The following ATP2B2 variants were observed in gnomAD, a reference collection of about 807,000 sequenced individuals.
ATP2B2 encodes the protein plasma membrane calcium-transporting ATPase 2.
In ATP2B2, 15 loss-of-function variants were observed where a neutral mutation model predicts 120.0. The ratio of observed to expected loss-of-function variants is 0.12; its 90% CI spans 0.08 to 0.19. The LOEUF is 0.19. Ranked by LOEUF, ATP2B2 falls within the 10% of genes least tolerant of loss-of-function variation. The probability of loss-of-function intolerance (pLI) is 1.00; values close to 1 mark genes in which losing one functional copy is unlikely to be tolerated. For synonymous variants in ATP2B2, 694 were observed against 700.3 expected (o/e 0.99, Z 0.14); for missense variants, 1,045 against 1,719.8 (o/e 0.61, Z 6.94).
intron 1 of ATP2B2, among the ~76,000 whole-genome samples, chr3:10,697,221 C>G (rs907412315): frequency 6.6e-6 from 1 of 152,140 alleles, no homozygotes; most frequent in African/African-American, 2.4e-5. Flanking sequence ...AGTTTCCAGG[C>G]TTCCCTTTCA....
intron 8 of ATP2B2, among the ~76,000 whole-genome samples, chr3:10,381,388 T>C (rs1193903290): frequency 6.6e-6 from 1 of 152,158 alleles, no homozygotes; most frequent in African/African-American, 2.4e-5. Context: ...ACTTCAATAG[T>C]TGGTTTTAGA....
chr3:10,696,764 T>A (rs191346693), intron 1 of ATP2B2, among the ~76,000 whole-genome samples: 133 of 152,282 alleles, frequency 8.7e-4, no homozygotes, highest in Non-Finnish European at 1.4e-3. Context: ...CTTTACTTTT[T>A]GGGTGAAGAA....
At chr3:10,500,334 T>C (rs1181080582) in intron 1 of ATP2B2, among the ~76,000 whole-genome samples, 1 of 152,080 alleles carries the variant, frequency 6.6e-6, no homozygotes, top group Non-Finnish European at 1.5e-5. Flanking sequence ...GCAGGTCTTA[T>C]GAGCAATAAA....
At chr3:10,649,671 G>C (rs1312018571) in intron 1 of ATP2B2, among the ~76,000 whole-genome samples, 1 of 152,170 alleles carries the variant, frequency 6.6e-6, no homozygotes, top group Non-Finnish European at 1.5e-5. Flanking sequence ...TGGTGATATG[G>C]TTTGGCTGTG....
At chr3:10,469,939 AG>A (rs2064911976) in intron 1 of ATP2B2, among the ~76,000 whole-genome samples, 1 of 152,034 alleles carries the variant, frequency 6.6e-6, no homozygotes, top group East Asian at 1.9e-4. Context: ...ACTCACACCA[AG>A]CTCAGATTTC....
At chr3:10,554,440 G>A (rs111954001) in intron 2 of ATP2B2, among the ~76,000 whole-genome samples, 2 of 152,240 alleles carry the variant, frequency 1.3e-5, no homozygotes, top group Non-Finnish European at 2.9e-5. Flanking sequence ...GATCACCCTG[G>A]ATGATCTGGG....
intron 2 of ATP2B2, among the ~76,000 whole-genome samples, chr3:10,616,504 A>C (rs2069390948): frequency 6.6e-6 from 1 of 152,248 alleles, no homozygotes; most frequent in African/African-American, 2.4e-5. Context: ...CCCTAACATG[A>C]ATACATGAAT....
At chr3:10,611,935 T>C (rs1185533835) in intron 2 of ATP2B2, among the ~76,000 whole-genome samples, 2 of 152,190 alleles carry the variant, frequency 1.3e-5, no homozygotes, top group Admixed American at 6.5e-5. Context: ...GAAATAGCTA[T>C]GGTTGTTACG....
chr3:10,653,696 C>G (rs892141186), intron 1 of ATP2B2, among the ~76,000 whole-genome samples: 10 of 152,204 alleles, frequency 6.6e-5, no homozygotes, highest in Non-Finnish European at 8.8e-5. Flanking sequence ...CTAATCTTCA[C>G]TCTATCTCCA....
chr3:10,486,782 T>C (rs893528212), intron 1 of ATP2B2, among the ~76,000 whole-genome samples: 2 of 152,112 alleles, frequency 1.3e-5, no homozygotes, highest in African/African-American at 2.4e-5. Flanking sequence ...TGCAGTGGCA[T>C]GATCTTGGCT....
intron 1 of ATP2B2, among the ~76,000 whole-genome samples, chr3:10,648,606 A>G (rs2070378491): frequency 6.6e-6 from 1 of 152,146 alleles, no homozygotes; most frequent in Non-Finnish European, 1.5e-5. Context: ...ACTGTGACCC[A>G]AGCCGACCTC....
rs781272588 is a variant in ATP2B2, at chr3:10,684,605, A to G, written c.-460+23310T>C. ...TGCCACTGATATGCTATCTGTCTCA[A>G]TGAAAATCAGGATGAAGATTTATCA... On this transcript the variant is annotated intron_variant, in intron 1 of 21. Transcript: ENST00000646379. Among the ~76,000 whole-genome samples, 12 of 152,360 alleles carry G rather than the reference A, an allele frequency of 7.9e-5. 1 individual carries two copies. The highest frequency in any genetic ancestry group is 1.7e-4 in the African/African-American group (7 of 41,600).
chr3:10,426,928 A>G (rs2470451), intron 2 of ATP2B2, among the ~76,000 whole-genome samples: 76,660 of 151,560 alleles, frequency 0.51, 19,870 homozygotes, highest in African/African-American at 0.6. Flanking sequence ...GAAAACCCAC[A>G]GAGACCCCAT....
At chr3:10,493,839 C>T (rs540635326) in intron 1 of ATP2B2, among the ~76,000 whole-genome samples, 1 of 152,238 alleles carries the variant, frequency 6.6e-6, no homozygotes, top group South Asian at 2.1e-4. Flanking sequence ...GCAGGAAGGC[C>T]CTCAGAAGGG....
intron 2 of ATP2B2, among the ~76,000 whole-genome samples, chr3:10,619,290 A>T (rs1172220003): frequency 6.6e-6 from 1 of 152,134 alleles, no homozygotes; most frequent in Non-Finnish European, 1.5e-5. Flanking sequence ...GGGGCCAAAG[A>T]CTGTGGTCCC....
intron 2 of ATP2B2, among the ~76,000 whole-genome samples, chr3:10,614,473 T>C (rs1230500639): frequency 6.6e-6 from 1 of 152,232 alleles, no homozygotes; most frequent in African/African-American, 2.4e-5. Context: ...AACAAACAGA[T>C]GCTCTGAAAG....
intron 14 of ATP2B2, among the ~76,000 whole-genome samples, chr3:10,357,275 A>G (rs536810756): frequency 6.6e-6 from 1 of 152,156 alleles, no homozygotes; most frequent in Non-Finnish European, 1.5e-5. Context: ...GTGTGATACT[A>G]TTATTATCCC....
intron 2 of ATP2B2, among the ~76,000 whole-genome samples, chr3:10,440,226 C>A (rs1014959481): frequency 6.6e-6 from 1 of 151,314 alleles, no homozygotes; most frequent in Non-Finnish European, 1.5e-5. Context: ...TTCTGTGGAA[C>A]CTCAAGGCAC....
intron 1 of ATP2B2, among the ~76,000 whole-genome samples, chr3:10,624,293 T>A (rs1469024382): frequency 6.6e-6 from 1 of 152,182 alleles, no homozygotes; most frequent in Non-Finnish European, 1.5e-5. Context: ...ACGTGTGGAA[T>A]TTCACCCCCT....
Sources: allele counts gnomAD v4.1 joint callset (sites outside exome capture counted in the v4.1 genomes callset), GRCh38; gene constraint gnomAD v4.1.1; transcripts MANE v1.5; gene names NCBI Gene and HGNC (gene_info 2026-07-23, HGNC 2026-07-21).